RUNX1: variants seen among roughly 807,000 people sequenced by gnomAD.
The protein encoded by RUNX1 is runt-related transcription factor 1.
A neutral mutation model predicts 42.8 loss-of-function variants in RUNX1; 19 were observed. The observed-to-expected ratio is 0.44, with a 90% CI of 0.31 to 0.65. RUNX1 has a LOEUF of 0.65. Ranked by LOEUF, RUNX1 falls within the 30% of genes least tolerant of loss-of-function variation. RUNX1 has a pLI of 0.07. For synonymous variants in RUNX1, 271 were observed against 289.4 expected (o/e 0.94, Z 0.64); for missense variants, 528 against 672.0 (o/e 0.79, Z 2.37).
chr21:34,993,364 T>TAGAAAAAAGC (rs2058960591), intron 2 of RUNX1, among the ~76,000 whole-genome samples: 1 of 152,130 alleles, frequency 6.6e-6, no homozygotes, highest in African/African-American at 2.4e-5. Flanking sequence ...AAAGCAGTTC[T>TAGAAAAAAGC]AGGGGCAAAC....
chr21:34,944,495 A>G (rs1256283001), intron 2 of RUNX1, among the ~76,000 whole-genome samples: 1 of 152,228 alleles, frequency 6.6e-6, no homozygotes, highest in Non-Finnish European at 1.5e-5. Context: ...GTGGGTACGA[A>G]TGCCAGCACT....
chr21:34,816,863 G>A (rs2056834005), intron 7 of RUNX1, among the ~76,000 whole-genome samples: 1 of 152,158 alleles, frequency 6.6e-6, no homozygotes, highest in Non-Finnish European at 1.5e-5. Flanking sequence ...TCATTTCAGA[G>A]CAAGAATGAG....
chr21:34,975,239 G>C (rs564479261), intron 2 of RUNX1, among the ~76,000 whole-genome samples: 2 of 152,162 alleles, frequency 1.3e-5, no homozygotes, highest in Non-Finnish European at 2.9e-5. Context: ...TCTGCCCTCC[G>C]GGATATTATG....
chr21:34,971,283 T>G (rs894974830), intron 2 of RUNX1, among the ~76,000 whole-genome samples: 2 of 152,190 alleles, frequency 1.3e-5, no homozygotes, highest in Non-Finnish European at 2.9e-5. Context: ...TTAAAAGATA[T>G]AGCATGTAAC....
chr21:35,038,646 T>TGATAGAGAGA (rs2059334172), intron 2 of RUNX1: 1 of 444,668 alleles, frequency 2.2e-6, no homozygotes, highest in African/African-American at 2.1e-5. Flanking sequence ...TGTGTGTGTG[T>TGATAGAGAGA]GAGATAGAGA....
intron 2 of RUNX1, among the ~76,000 whole-genome samples, chr21:35,010,644 CA>C (rs1846801339): frequency 1.3e-5 from 2 of 152,034 alleles, no homozygotes; most frequent in Admixed American, 1.3e-4. Context: ...CACACACACA[CA>C]CACACACTCA....
At chr21:34,887,315 G>T in intron 3 of RUNX1, 2 of 1,457,104 alleles carry the variant, frequency 1.4e-6, no homozygotes, top group Non-Finnish European at 1.8e-6. Context: ...AAACGTTCTG[G>T]TTCTGCGGAT....
At chr21:35,043,350 C>A (rs906855516) in intron 2 of RUNX1, among the ~76,000 whole-genome samples, 4 of 151,958 alleles carry the variant, frequency 2.6e-5, no homozygotes, top group African/African-American at 9.7e-5. Context: ...GCAGGGGAGG[C>A]CGAGAAACAA....
chr21:34,935,210 C>T (rs571731028), intron 2 of RUNX1, among the ~76,000 whole-genome samples: 4 of 152,110 alleles, frequency 2.6e-5, no homozygotes, highest in South Asian at 2.1e-4. Context: ...TGAAGACAAC[C>T]GAGAAATGGG....
chr21:34,788,298 G>A lies in RUNX1; in HGVS notation c.*3837C>T, dbSNP rs2056393399. On this transcript the variant is annotated 3_prime_UTR_variant, in exon 9 of 9. Transcript: ENST00000675419. The stretch of plus-strand genomic sequence containing the variant: ...GTTATACCGTCATTTCAATTTGAAA[G>A]TTTATTTTTTTCCATTGATTTTTAT... 4.3e-6 allele frequency: 1 copy of A among 233,422 alleles called. No homozygotes were observed. Among genetic ancestry groups the A allele is most frequent in the African/African-American group, 2.2e-5 (1 of 45,314 alleles). 14.5% of individuals were successfully genotyped at this position (233,422 alleles called of 1,614,324 possible).
intron 2 of RUNX1, among the ~76,000 whole-genome samples, chr21:34,951,521 A>G (rs1033443568): frequency 2.6e-5 from 4 of 152,226 alleles, no homozygotes; most frequent in African/African-American, 9.6e-5. Flanking sequence ...AAGAACTTAA[A>G]CAAATTTACA....
At chr21:35,046,472 T>C (rs2059396917) in intron 2 of RUNX1, among the ~76,000 whole-genome samples, 1 of 152,160 alleles carries the variant, frequency 6.6e-6, no homozygotes, top group South Asian at 2.1e-4. Context: ...GAACACACGC[T>C]GTAAATTATA....
intron 2 of RUNX1, among the ~76,000 whole-genome samples, chr21:34,976,953 C>G (rs1311138379): frequency 6.6e-6 from 1 of 152,120 alleles, no homozygotes; most frequent in Non-Finnish European, 1.5e-5. Flanking sequence ...TGAATTTACT[C>G]TTGCTATCCA....
At chr21:35,028,590 G>A (rs568862747) in intron 2 of RUNX1, among the ~76,000 whole-genome samples, 1 of 152,348 alleles carries the variant, frequency 6.6e-6, no homozygotes, top group South Asian at 2.1e-4. Context: ...TGCCACTGCT[G>A]TGGTATTAAT....
chr21:34,978,937 T>TACACACAC (rs10673190), intron 2 of RUNX1, among the ~76,000 whole-genome samples: 21,820 of 133,956 alleles, frequency 0.16, 1,964 homozygotes, highest in Admixed American at 0.21. Flanking sequence ...CACACACAGA[T>TACACACAC]ACACACACAC....
chr21:34,864,706 C>T (rs750137190), intron 5 of RUNX1, among the ~76,000 whole-genome samples: 1 of 152,186 alleles, frequency 6.6e-6, no homozygotes, highest in East Asian at 1.9e-4. Context: ...TCCTCCTGCT[C>T]ACTGAACCCT....
chr21:34,883,600 A>G (rs867562881), intron 4 of RUNX1, among the ~76,000 whole-genome samples: 4 of 152,244 alleles, frequency 2.6e-5, no homozygotes, highest in African/African-American at 7.2e-5. Context: ...AAACATTTAC[A>G]TTTTAACACA....
intron 2 of RUNX1, among the ~76,000 whole-genome samples, chr21:35,041,867 T>A (rs2059362180): frequency 6.6e-6 from 1 of 152,198 alleles, no homozygotes; most frequent in Admixed American, 6.5e-5. Context: ...GATAAAAACC[T>A]CTTTAGGGAA....
At chr21:34,967,148 A>G (rs555970254) in intron 2 of RUNX1, among the ~76,000 whole-genome samples, 15 of 151,108 alleles carry the variant, frequency 9.9e-5, no homozygotes, top group African/African-American at 1.5e-4. Context: ...GTGAAACCCT[A>G]TCTCTACTAA....
Sources: gnomAD v4.1 joint callset for allele counts (sites outside exome capture counted in the v4.1 genomes callset) on GRCh38, gnomAD v4.1.1 for gene constraint, MANE v1.5 for transcripts, NCBI Gene and HGNC (gene_info 2026-07-23, HGNC 2026-07-21) for gene names.